Variants in CDK11B observed in about 807,000 individuals in gnomAD.
CDK11B encodes the protein cyclin-dependent kinase 11B.
CDK11B carries 37 observed loss-of-function variants against 84.0 expected under a neutral mutation model. The observed-to-expected ratio is 0.44, with a 90% CI of 0.34 to 0.58. The LOEUF (loss-of-function observed/expected upper bound fraction) is 0.58. Among genes scored for constraint, CDK11B ranks in the 20% least tolerant of loss-of-function variants. The probability of loss-of-function intolerance (pLI) is 0.02; values close to 1 mark genes in which losing one functional copy is unlikely to be tolerated. For missense variants in CDK11B, 427 were observed against 834.0 expected (o/e 0.51, Z 6.01); for synonymous variants, 269 against 309.8 (o/e 0.87, Z 1.38).
chr1:1,643,272 AG>A (rs1486827283), intron 6 of CDK11B, among the ~76,000 whole-genome samples: 4 of 129,352 alleles, frequency 3.1e-5, no homozygotes, highest in Non-Finnish European at 6.2e-5. Flanking sequence ...GACCAGGAAA[AG>A]GCTCAGGCTC....
Position 1,637,867 on chromosome 1 carries a change from T to C in CDK11B, c.1359A>G (p.Leu453=). ...KDKKTDEIVA[L]KRLKMEKEKE... ...TCTCCTTCTCCATCTTCAGCCGCTT[T>C]AGAGCCACAATTTCATCTGTGAAGA... is the stretch of plus-strand genomic sequence containing the variant. Residue 453 remains leucine (L), a synonymous_variant, in exon 13 of 20, where the codon CTA becomes CTG. Coordinates refer to ENST00000341832, the MANE Select transcript of CDK11B (RefSeq NM_033486.3). The C allele has an allele frequency of 6.2e-7, 1 of 1,613,590 alleles. No individual in the cohort carries two copies.
chr1:1,640,358 C>T lies in CDK11B; in HGVS notation c.1170G>A (p.Glu390=). The change falls in exon 11 of 20, where the codon GAG becomes GAA. Residue 390 remains glutamate, a synonymous_variant. Transcript: ENST00000341832. ...EGTPQSSALT[E]GDYVPDSPAL... ...CAGGGGAGTCGGGCACATAGTCGCC[C>T]TCTGTCAGGGCGCTGCTCTGCGGCG... 1 of 1,613,722 alleles carries T rather than the reference C, an allele frequency of 6.2e-7. No homozygotes were observed. Among genetic ancestry groups the T allele is most frequent in the Non-Finnish European group, 8.5e-7 (1 of 1,179,672 alleles).
rs774755357 is a variant in CDK11B at position 1,637,228 on chromosome 1, G to A, written c.1571-26C>T. 2.0e-5 allele frequency: 33 copies of A among 1,611,044 alleles called. No homozygotes were observed. In the South Asian group the frequency reaches 3.6e-4, roughly 18 times the overall value. ...CTGGGAGGGAGGGAAGCTCCCATGT[G>A]GACCTGGCTGCCCCCAGCCCAGGGC... On this transcript the variant is annotated intron_variant, in intron 14 of 19. Transcript: ENST00000341832.
intron 4 of CDK11B, among the ~76,000 whole-genome samples, chr1:1,651,513 A>G (rs1309835607): frequency 1.9e-4 from 27 of 145,908 alleles, no homozygotes; most frequent in African/African-American, 6.3e-4. Flanking sequence ...GCACGCTTTC[A>G]GCTAGAGTAC....
chr1:1,652,844 G>T (rs1642186300), intron 3 of CDK11B, among the ~76,000 whole-genome samples: 1 of 151,148 alleles, frequency 6.6e-6, no homozygotes, highest in African/African-American at 2.4e-5. Flanking sequence ...TCTTGCCTCA[G>T]CCTCCCGAGT....
At chr1:1,654,310 T>C in intron 3 of CDK11B, 1 of 364,230 alleles carries the variant, frequency 2.7e-6, no homozygotes, top group Middle Eastern at 3.8e-4. Flanking sequence ...CTTGCTCTGT[T>C]ACCCCAGTCT....
At chr1:1,637,573 C>A in intron 13 of CDK11B, 60 bp from the exon 14 acceptor site, 1 of 1,607,134 alleles carries the variant, frequency 6.2e-7, no homozygotes, top group South Asian at 1.1e-5. Context: ...CCCCTGCACC[C>A]GGGTGCAGCT....
Position 1,655,472 on chromosome 1 carries a change from C to A in CDK11B, c.124G>T (p.Asp42Tyr). The A allele has an allele frequency of 6.2e-7, 1 of 1,611,408 alleles. No individual in the cohort carries two copies. The highest frequency in any genetic ancestry group is 8.5e-7 in the Non-Finnish European group (1 of 1,177,844). The change falls in exon 3 of 20, where the codon GAT becomes TAT. Residue 42 changes from aspartate (D) to tyrosine (Y), a missense_variant. Physicochemically the swap from Asp to Tyr is radical, Grantham distance 160 (BLOSUM62 -3). This residue lies in a region of CDK11B where 57 missense variants were observed against 62.2 expected (regional missense o/e 0.92). Coordinates refer to ENST00000341832, the MANE Select transcript of CDK11B (RefSeq NM_033486.3). ...IKRLKNSDDR[D>Y]SKRDSLEEGE... The stretch of plus-strand genomic sequence containing the variant: ...TCCTCAAGGGAATCCCGCTTGGAAT[C>A]CCGGTCATCAGACTAAGAAGCAAAG...
Position 1,651,654 on chromosome 1 carries a change from G to C in CDK11B, c.355+785C>G, listed in dbSNP as rs1162145654. Among the ~76,000 whole-genome samples the C allele has an allele frequency of 3.7e-3, 561 of 151,206 alleles. 7 individuals are homozygous for C. In the South Asian group the frequency reaches 0.046, roughly 12 times the overall value. ...TTTGCTCTGTATAGCCCTTCTGAACGGTCTGTGACACACGCATGCTTTCAG... is the reference window on the plus strand; with the variant it reads ...TTTGCTCTGTATAGCCCTTCTGAACCGTCTGTGACACACGCATGCTTTCAG... On this transcript the variant is annotated intron_variant, in intron 4 of 19. Coordinates refer to ENST00000341832, the MANE Select transcript of CDK11B (RefSeq NM_033486.3).
intron 6 of CDK11B, among the ~76,000 whole-genome samples, chr1:1,644,845 T>A (rs1223172640): frequency 2.0e-5 from 3 of 150,220 alleles, no homozygotes; most frequent in African/African-American, 7.4e-5. Flanking sequence ...TATAAAAAAA[T>A]AGCTGAACAT....
In CDK11B at chr1:1,637,039, C is replaced by G. The variant is rs768289265; in HGVS notation, c.1693-35G>C. The G allele has an allele frequency of 3.8e-3, 6,029 of 1,602,676 alleles. 62 individuals carry two copies. Among genetic ancestry groups the G allele is most frequent in the Non-Finnish European group, 4.6e-3 (5,378 of 1,169,836 alleles). ...CAGATGGGCGGCTGTGAGTGGGCCC[C>G]GGCAGGTCTCCCTGGGATGGGCCAC... On this transcript the variant is annotated intron_variant, in intron 15 of 19. Coordinates refer to ENST00000341832, the MANE Select transcript of CDK11B (RefSeq NM_033486.3).
chr1:1,648,695 C>T (rs28375677), intron 5 of CDK11B, among the ~76,000 whole-genome samples: 56 of 152,290 alleles, frequency 3.7e-4, no homozygotes, highest in Non-Finnish European at 6.3e-4. Flanking sequence ...TAAAGGGGAA[C>T]GAATATATAA....
intron 3 of CDK11B, among the ~76,000 whole-genome samples, chr1:1,653,893 C>T (rs4648760): frequency 0.34 from 51,048 of 150,196 alleles, 9,533 homozygotes; most frequent in African/African-American, 0.49. Context: ...CCTGTAATCC[C>T]AGCTACTCAG....
chr1:1,652,779 A>G (rs1221982072), intron 3 of CDK11B, among the ~76,000 whole-genome samples: 51,736 of 150,932 alleles, frequency 0.34, 9,638 homozygotes, highest in African/African-American at 0.49. Flanking sequence ...TGCCCGGGCT[A>G]TAGTGGCACG....
At position 1,648,087 on chromosome 1, in the gene CDK11B, G is replaced by A. The variant is rs529718335; in HGVS notation, c.494+1412C>T. Among the ~76,000 whole-genome samples the A allele has an allele frequency of 5.2e-5, 8 of 152,386 alleles. No homozygotes were observed. The East Asian group carries it at 7.7e-4, about 15-fold the overall frequency. On this transcript the variant is annotated intron_variant, in intron 5 of 19. Transcript: ENST00000341832. ...GTCTCCCTACGTTGCCCAGGCTGGCGTCATGCGGTCCTCTGGCCTTAGCCT... is the reference window on the plus strand; with the variant it reads ...GTCTCCCTACGTTGCCCAGGCTGGCATCATGCGGTCCTCTGGCCTTAGCCT...
chr1:1,637,697 G>T, intron 13 of CDK11B, 65 bp downstream of exon 13: 1 of 1,613,146 alleles, frequency 6.2e-7, no homozygotes. Context: ...CCGGCCCCAG[G>T]ACAGCACGGG....
chr1:1,650,556 G>A lies in CDK11B; in HGVS notation c.356-919C>T, dbSNP rs1328386004. 6.6e-5 allele frequency among the ~76,000 whole-genome samples: 10 copies of A among 151,068 alleles called. No individual in the cohort carries two copies. The South Asian group carries it at 1.3e-3, about 19-fold the overall frequency. On this transcript the variant is annotated intron_variant, in intron 4 of 19. Coordinates refer to ENST00000341832, the MANE Select transcript of CDK11B (RefSeq NM_033486.3). ...AATTTTTTGTCTTTTTAGTAGAGAC[G>A]GGGTTCCACCATGTTAGCCAGGATG...
chr1:1,655,573 G>A (rs1190079843), intron 2 of CDK11B, 89 bp from the exon 3 acceptor site: 118 of 1,452,616 alleles, frequency 8.1e-5, no homozygotes, highest in Non-Finnish European at 1.0e-4. Context: ...TCAAACCTGG[G>A]CAACATCCCA....
At position 1,638,945 on chromosome 1, in the gene CDK11B, T is replaced by C. The variant is rs1396954428; in HGVS notation, c.1252-355A>G. ...GCAACACTCTGTTTTCTATTTTTTTTTTTTTTTTTTTTTGAGACGGAGTCT... is the reference window on the plus strand; with the variant it reads ...GCAACACTCTGTTTTCTATTTTTTTCTTTTTTTTTTTTTGAGACGGAGTCT... On this transcript the variant is annotated intron_variant, in intron 11 of 19. Transcript: ENST00000341832. 2.2e-4 allele frequency among the ~76,000 whole-genome samples: 33 copies of C among 147,826 alleles called. 1 individual carries two copies. The East Asian group carries it at 5.7e-3, about 25-fold the overall frequency.
Sources: allele counts gnomAD v4.1 joint callset (sites outside exome capture counted in the v4.1 genomes callset), GRCh38; gene constraint gnomAD v4.1.1; regional missense constraint gnomAD v4.1.1; transcripts MANE v1.5; gene names NCBI Gene and HGNC (gene_info 2026-07-23, HGNC 2026-07-21).